Variants in NYAP2 observed in about 807,000 individuals in gnomAD.
The protein encoded by NYAP2 is neuronal tyrosine-phosphorylated phosphoinositide-3-kinase adapter 2.
A neutral mutation model predicts 50.4 loss-of-function variants in NYAP2; 23 were observed. That is an observed-to-expected ratio of 0.46 (90% CI 0.33 to 0.65). The LOEUF is 0.65. Among genes scored for constraint, NYAP2 ranks in the 30% least tolerant of loss-of-function variants. The pLI is 0.02. For synonymous variants in NYAP2, 394 were observed against 365.2 expected (o/e 1.08, Z -0.90); for missense variants, 885 against 861.0 (o/e 1.03, Z -0.35).
At chr2:225,495,172 C>T (rs946831084) in intron 3 of NYAP2, among the ~76,000 whole-genome samples, 4 of 152,034 alleles carry the variant, frequency 2.6e-5, no homozygotes, top group Non-Finnish European at 5.9e-5. Flanking sequence ...ACAGCTTAAA[C>T]CTGAGTATAA....
intron 4 of NYAP2, among the ~76,000 whole-genome samples, chr2:225,538,493 G>A (rs1574665937): frequency 6.6e-6 from 1 of 152,166 alleles, no homozygotes; most frequent in East Asian, 1.9e-4. Context: ...CTCTATGTTG[G>A]CCCTTTTTCA....
chr2:225,434,665 G>T (rs1010082648), intron 3 of NYAP2, among the ~76,000 whole-genome samples: 4 of 152,134 alleles, frequency 2.6e-5, no homozygotes, highest in Non-Finnish European at 5.9e-5. Context: ...CTCCTCTGAA[G>T]ACTGTACACT....
intron 3 of NYAP2, among the ~76,000 whole-genome samples, chr2:225,435,774 A>G (rs1333055320): frequency 6.6e-6 from 1 of 152,208 alleles, no homozygotes; most frequent in Non-Finnish European, 1.5e-5. Flanking sequence ...ACAAGCATCC[A>G]CATGCATTCA....
chr2:225,459,167 A>T (rs1243044842), intron 3 of NYAP2, among the ~76,000 whole-genome samples: 1 of 152,204 alleles, frequency 6.6e-6, no homozygotes, highest in Non-Finnish European at 1.5e-5. Context: ...TAACATGTTG[A>T]TGGTAATGAT....
intron 5 of NYAP2, among the ~76,000 whole-genome samples, chr2:225,603,861 C>T (rs1467897627): frequency 6.6e-6 from 1 of 152,084 alleles, no homozygotes; most frequent in African/African-American, 2.4e-5. Context: ...TTGTCACTTT[C>T]GCTGATTAAG....
chr2:225,553,419 A>T (rs1043164890), intron 4 of NYAP2, among the ~76,000 whole-genome samples: 1 of 152,212 alleles, frequency 6.6e-6, no homozygotes, highest in Non-Finnish European at 1.5e-5. Flanking sequence ...ACATGGAAGG[A>T]TGAGATGGAA....
chr2:225,670,610 A>AG, the NYAP2 span, among the ~76,000 whole-genome samples: 6 of 101,292 alleles, frequency 5.9e-5, no homozygotes, highest in South Asian at 2.8e-3. Context: ...TTTTCCAAAA[A>AG]AAAAAAAAAA....
chr2:225,462,185 T>C (rs1343294733), intron 3 of NYAP2, among the ~76,000 whole-genome samples: 1 of 152,248 alleles, frequency 6.6e-6, no homozygotes, highest in Non-Finnish European at 1.5e-5. Context: ...TTGGATTTGC[T>C]ATTCTAAATA....
intron 3 of NYAP2, among the ~76,000 whole-genome samples, chr2:225,472,576 G>A (rs1220438568): frequency 1.3e-5 from 2 of 152,172 alleles, no homozygotes; most frequent in East Asian, 3.8e-4. Flanking sequence ...TTATGACCCT[G>A]AGTAGTCAAA....
chr2:225,680,622 C>G, the NYAP2 span, among the ~76,000 whole-genome samples: 294 of 152,154 alleles, frequency 1.9e-3, no homozygotes, highest in African/African-American at 6.7e-3. Flanking sequence ...AAATTCAATA[C>G]AGACAAGTAG....
chr2:225,602,766 T>C (rs904056831), intron 5 of NYAP2, among the ~76,000 whole-genome samples: 1 of 152,140 alleles, frequency 6.6e-6, no homozygotes, highest in African/African-American at 2.4e-5. Flanking sequence ...CATTTGACCA[T>C]ATATATAGAA....
At chr2:225,434,441 A>T (rs1574612678) in intron 3 of NYAP2, among the ~76,000 whole-genome samples, 1 of 152,216 alleles carries the variant, frequency 6.6e-6, no homozygotes, top group African/African-American at 2.4e-5. Context: ...CACTTGTGCA[A>T]TTAAAAGTAG....
intron 4 of NYAP2, among the ~76,000 whole-genome samples, chr2:225,529,717 T>A (rs2106196300): frequency 6.6e-6 from 1 of 152,196 alleles, no homozygotes; most frequent in East Asian, 1.9e-4. Flanking sequence ...TTTTTATTAT[T>A]TATTTTTTGA....
intron 5 of NYAP2, among the ~76,000 whole-genome samples, chr2:225,625,231 A>G (rs1279932920): frequency 2.6e-5 from 4 of 152,138 alleles, no homozygotes; most frequent in African/African-American, 9.7e-5. Flanking sequence ...TTGATTTTCC[A>G]GTTCCATCAG....
chr2:225,513,382 A>G (rs940369676), exon 4 of NYAP2: 16 of 1,613,828 alleles, frequency 9.9e-6, no homozygotes, highest in Non-Finnish European at 1.4e-5. Flanking sequence ...ATAGGTGGAG[A>G]AGTAGGGCGA....
chr2:225,494,335 A>G (rs1216501224), intron 3 of NYAP2, among the ~76,000 whole-genome samples: 2 of 152,190 alleles, frequency 1.3e-5, no homozygotes, highest in Non-Finnish European at 2.9e-5. Context: ...TCTGCAGGGA[A>G]ATGGGAAGTA....
At chr2:225,567,005 G>T (rs551010647) in intron 4 of NYAP2, among the ~76,000 whole-genome samples, 71 of 152,108 alleles carry the variant, frequency 4.7e-4, no homozygotes, top group Admixed American at 3.0e-3. Context: ...GTGTCATTAG[G>T]CAATTTCGTT....
chr2:225,462,470 C>A (rs1689848843), intron 3 of NYAP2, among the ~76,000 whole-genome samples: 1 of 151,912 alleles, frequency 6.6e-6, no homozygotes, highest in Non-Finnish European at 1.5e-5. Flanking sequence ...CCAAATGCAC[C>A]CACCCAGACT....
chr2:225,453,824 C>A (rs1178067916), intron 3 of NYAP2, among the ~76,000 whole-genome samples: 4 of 147,744 alleles, frequency 2.7e-5, no homozygotes, highest in East Asian at 1.9e-4. Flanking sequence ...CCCTCCACCA[C>A]GCCCGGCTAA....
Sources: allele counts gnomAD v4.1 joint callset (sites outside exome capture counted in the v4.1 genomes callset), GRCh38; gene constraint gnomAD v4.1.1; transcripts MANE v1.5; gene names NCBI Gene and HGNC (gene_info 2026-07-23, HGNC 2026-07-21).